Variants in SUV39H1 observed in about 807,000 individuals in gnomAD.
SUV39H1 encodes the protein SUV39H1 histone lysine methyltransferase.
For synonymous variants in SUV39H1, 141 were observed against 150.5 expected, an observed-to-expected ratio of 0.94 and a Z score of 0.46; for missense variants, 180 against 386.3, an observed-to-expected ratio of 0.47 and a Z score of 4.48.
At chrX:48,698,794 G>A in intron 1 of SUV39H1, 108 bp from the exon 2 acceptor site, 1 of 967,379 alleles carries the variant, frequency 1.0e-6, no homozygotes, top group South Asian at 2.5e-5. Flanking sequence ...AAATTTCCCT[G>A]ACTCTTAGTC....
rs782674609 is a variant in SUV39H1, at chrX:48,700,519, G to A, written c.594G>A (p.Ala198=). The A allele has an allele frequency of 7.4e-6, 9 of 1,212,260 alleles. No homozygotes were observed. Among genetic ancestry groups the A allele is most frequent in the East Asian group, 3.0e-5 (1 of 33,844 alleles). ...WAPTGGCCPG[A]SLHKFAYNDQ... ...CCACTGGAGGCTGCTGCCCGGGGGC[G>A]TCACTGCACAAGTTTGCCTACAATG... Residue 198 remains alanine (A), a synonymous_variant, in exon 3 of 6, where the codon GCG becomes GCA. Transcript: ENST00000376687.
At chrX:48,696,972 G>A (rs1420976716) in intron 1 of SUV39H1, among the ~76,000 whole-genome samples, 169 bp downstream of exon 1, 1 of 108,186 alleles carries the variant, frequency 9.2e-6, no homozygotes, top group African/African-American at 3.3e-5. Flanking sequence ...GCGGGGCTGG[G>A]CGGGGCTCAG....
chrX:48,705,293 A>C (rs978362123), intron 3 of SUV39H1: 3 of 112,726 alleles, frequency 2.7e-5, no homozygotes, highest in Non-Finnish European at 5.6e-5. Context: ...CAGGAAGCAG[A>C]ATCAAAGTAA....
At chrX:48,703,697 T>G (rs2062482086) in intron 3 of SUV39H1, among the ~76,000 whole-genome samples, 1 of 111,805 alleles carries the variant, frequency 8.9e-6, no homozygotes, top group Non-Finnish European at 1.9e-5. Context: ...AAATTAAGGG[T>G]GTGCCTTACA....
chrX:48,703,650 T>G (rs2062482000), intron 3 of SUV39H1, among the ~76,000 whole-genome samples: 3 of 112,599 alleles, frequency 2.7e-5, no homozygotes, highest in South Asian at 3.6e-4. Flanking sequence ...CATTTATAAT[T>G]AACAGCAGTT....
intron 1 of SUV39H1, among the ~76,000 whole-genome samples, 189 bp downstream of exon 1, chrX:48,696,992 C>T (rs1458411503): frequency 4.6e-5 from 5 of 107,680 alleles, no homozygotes; most frequent in Non-Finnish European, 9.7e-5. Flanking sequence ...GGGGAGGGGG[C>T]GCGCGCCTCG....
At position 48,700,594 on chromosome X, in the gene SUV39H1, C is replaced by A. The variant is rs1557009293; in HGVS notation, c.669C>A (p.Asn223Lys). The change falls in exon 3 of 6, where the codon AAC (asparagine) becomes AAA (lysine). Residue 223 changes from asparagine (N) to lysine (K), a missense_variant. By Grantham distance (94) the Asn-to-Lys change is moderately conservative (BLOSUM62 0). Transcript: ENST00000376687. ...LRAGLPIYEC[N>K]SRCRCGYDCP... ...CCGGGCTGCCCATCTACGAGTGCAACTCCCGCTGCCGCTGCGGCTATGACT... is the reference window on the plus strand; with the variant it reads ...CCGGGCTGCCCATCTACGAGTGCAAATCCCGCTGCCGCTGCGGCTATGACT... The A allele has an allele frequency of 8.2e-7, 1 of 1,212,473 alleles. No individual in the cohort carries two copies. The highest frequency in any genetic ancestry group is 1.1e-6 in the Non-Finnish European group (1 of 895,626).
In SUV39H1 at chrX:48,700,517, G is replaced by A. The variant is rs138943174; in HGVS notation, c.592G>A (p.Ala198Thr). Residue 198 changes from alanine to threonine, a missense_variant, in exon 3 of 6, where the codon GCG becomes ACG. Physicochemically the swap from Ala to Thr is moderately conservative, Grantham distance 58. Transcript: ENST00000376687. ...ACCCACTGGAGGCTGCTGCCCGGGG[G>A]CGTCACTGCACAAGTTTGCCTACAA... ...WAPTGGCCPG[A>T]SLHKFAYNDQ... The A allele has an allele frequency of 1.6e-6, 2 of 1,212,238 alleles. No individual in the cohort carries two copies. The highest frequency in any genetic ancestry group is 1.7e-5 in the African/African-American group (1 of 57,966).
Position 48,700,847 on chromosome X carries a change from C to T in SUV39H1, c.828+94C>T, listed in dbSNP as rs1229594375. ...CTCCTCACTGTGTGTCTGAAACTCC[C>T]TGCTTTCCCTATGGGAAAGGCCTGG... On this transcript the variant is annotated intron_variant, in intron 3 of 5. Coordinates refer to ENST00000376687, the MANE Select transcript of SUV39H1 (RefSeq NM_003173.4). 3 of 1,045,515 alleles carry T rather than the reference C, an allele frequency of 2.9e-6. 1 individual carries two copies. In the South Asian group the frequency reaches 6.0e-5, roughly 21 times the overall value. 86.2% of individuals were successfully genotyped at this position (1,045,515 alleles called of 1,213,427 possible).
intron 3 of SUV39H1, among the ~76,000 whole-genome samples, chrX:48,704,917 G>A (rs2062486087): frequency 8.9e-6 from 1 of 111,929 alleles, no homozygotes; most frequent in Non-Finnish European, 1.9e-5. Context: ...CTGGGCACAA[G>A]GAAGGCCTCA....
At chrX:48,695,963 G>C, upstream of SUV39H1, 1 of 1,082,692 alleles carries the variant, frequency 9.2e-7, no homozygotes, top group East Asian at 3.3e-5. Context: ...GTGTGAATGA[G>C]AAGTAATCTG....
chrX:48,696,422 G>T (rs1258863866), upstream of SUV39H1, among the ~76,000 whole-genome samples: 3 of 112,133 alleles, frequency 2.7e-5, no homozygotes, highest in East Asian at 5.6e-4. Context: ...CGGGCTGACT[G>T]ACGGTGATAA....
intron 1 of SUV39H1, among the ~76,000 whole-genome samples, chrX:48,697,551 G>GT (rs1352847868): frequency 9.0e-6 from 1 of 111,333 alleles, no homozygotes; most frequent in Non-Finnish European, 1.9e-5. Flanking sequence ...GGTTTGCGAG[G>GT]ACAGGCTGTA....
chrX:48,704,747 G>A (rs2147275683), intron 3 of SUV39H1, among the ~76,000 whole-genome samples: 1 of 111,859 alleles, frequency 8.9e-6, no homozygotes, highest in African/African-American at 3.3e-5. Context: ...CTTACACTGT[G>A]GGTGTGTGAA....
At chrX:48,697,826 T>C (rs1569494754) in intron 1 of SUV39H1, among the ~76,000 whole-genome samples, 1 of 112,578 alleles carries the variant, frequency 8.9e-6, no homozygotes, top group East Asian at 2.8e-4. Context: ...TGATTAAGAA[T>C]GTGCCTTGAA....
At chrX:48,696,552 T>TCGCTCCCGCTGC (rs2062455911), upstream of SUV39H1, 3 of 329,283 alleles carry the variant, frequency 9.1e-6, no homozygotes, top group South Asian at 4.8e-5. Flanking sequence ...ACCGCCGCTG[T>TCGCTCCCGCTGC]CGCTCCCGCT....
At position 48,707,432 on chromosome X, in the gene SUV39H1, C is replaced by T; in HGVS notation, c.1106-5C>T. 8.3e-7 allele frequency: 1 copy of T among 1,209,885 alleles called. No individual in the cohort carries two copies. The highest frequency in any genetic ancestry group is 1.1e-6 in the Non-Finnish European group (1 of 894,530). The stretch of plus-strand genomic sequence containing the variant: ...CTCCTCTCCTCCCTGGCTGTGACTC[C>T]ACAGTGGACCCCGTGGACATGGAGA... On this transcript the variant is annotated splice_region_variant and splice_polypyrimidine_tract_variant and intron_variant, in intron 5 of 5. Coordinates refer to ENST00000376687, the MANE Select transcript of SUV39H1 (RefSeq NM_003173.4).
intron 3 of SUV39H1, among the ~76,000 whole-genome samples, chrX:48,705,872 C>A (rs782605714): frequency 1.1e-3 from 124 of 112,620 alleles, no homozygotes; most frequent in Non-Finnish European, 1.4e-3. Context: ...CCCTGTGGCA[C>A]CCTGGGTCAC....
chrX:48,700,571 G>A lies in SUV39H1; in HGVS notation c.646G>A (p.Gly216Arg). ...NDQGQVRLRA[G>R]LPIYECNSRC... ...CCAGGGCCAGGTGCGGCTTCGAGCCGGGCTGCCCATCTACGAGTGCAACTC... is the reference window on the plus strand; with the variant it reads ...CCAGGGCCAGGTGCGGCTTCGAGCCAGGCTGCCCATCTACGAGTGCAACTC... Residue 216 changes from glycine (G) to arginine (R), a missense_variant, in exon 3 of 6, where the codon GGG (glycine) becomes AGG (arginine). Coordinates refer to ENST00000376687, the MANE Select transcript of SUV39H1 (RefSeq NM_003173.4). 2 of 1,212,334 alleles carry A rather than the reference G, an allele frequency of 1.6e-6. No homozygotes were observed. Among genetic ancestry groups the A allele is most frequent in the Non-Finnish European group, 2.2e-6 (2 of 895,585 alleles).
Sources: allele counts gnomAD v4.1 joint callset (sites outside exome capture counted in the v4.1 genomes callset), GRCh38; gene constraint gnomAD v4.1.1; transcripts MANE v1.5; gene names NCBI Gene and HGNC (gene_info 2026-07-23, HGNC 2026-07-21).